ABCC8: variants seen among roughly 807,000 people sequenced by gnomAD.
The protein encoded by ABCC8 is ATP binding cassette subfamily C member 8.
ABCC8 carries 137 observed loss-of-function variants against 188.0 expected under a neutral mutation model. The ratio of observed to expected loss-of-function variants is 0.73; its 90% CI spans 0.63 to 0.84. ABCC8 has a LOEUF of 0.84. Among genes scored for constraint, ABCC8 ranks in the 40% least tolerant of loss-of-function variants. The probability of loss-of-function intolerance (pLI) is 0.00; values close to 1 mark genes in which losing one functional copy is unlikely to be tolerated. For synonymous variants in ABCC8, 797 were observed against 846.5 expected (o/e 0.94, Z 1.01); for missense variants, 1,750 against 2,072.7 (o/e 0.84, Z 3.02).
chr11:17,421,268 A>T (rs902925085), intron 16 of ABCC8, among the ~76,000 whole-genome samples: 5 of 152,254 alleles, frequency 3.3e-5, no homozygotes, highest in African/African-American at 1.2e-4. Flanking sequence ...CAGACGCATT[A>T]GCAAATAATT....
chr11:17,394,522 T>G, intron 36 of ABCC8, 123 bp from the exon 37 acceptor site: 1 of 1,526,196 alleles, frequency 6.6e-7, no homozygotes, highest in Non-Finnish European at 8.9e-7. Context: ...TGGGTGTGTG[T>G]CCAAGAGCAC....
rs777735422 is a variant in ABCC8 at position 17,443,163 on chromosome 11, C to A, written c.1467+15G>T. The A allele has an allele frequency of 1.2e-6, 2 of 1,614,042 alleles. No homozygotes were observed. The highest frequency in any genetic ancestry group is 1.7e-4 in the Middle Eastern group (1 of 6,028). ...GGGGAAGAGGGACAAAACACACACA[C>A]CTTTGGGCACTCACCAGTGTGCTCC... On this transcript the variant is annotated intron_variant, in intron 9 of 38. Coordinates refer to ENST00000389817, the MANE Select transcript of ABCC8 (RefSeq NM_000352.6).
chr11:17,459,656 C>G (rs933752145), intron 6 of ABCC8, among the ~76,000 whole-genome samples: 30 of 152,196 alleles, frequency 2.0e-4, no homozygotes, highest in African/African-American at 7.2e-4. Context: ...CACTTGGAAA[C>G]TAAAACTCTG....
At chr11:17,476,547 G>A in intron 1 of ABCC8, 82 bp downstream of exon 1, 1 of 1,521,962 alleles carries the variant, frequency 6.6e-7, no homozygotes, top group Non-Finnish European at 8.9e-7. Flanking sequence ...GGAAGGGGAC[G>A]CCGAGCGGTG....
intron 31 of ABCC8, 147 bp from the exon 32 acceptor site, chr11:17,397,460 T>TG (rs927702297): frequency 1.1e-5 from 17 of 1,502,120 alleles, no homozygotes; most frequent in Non-Finnish European, 1.4e-5. Context: ...CAGCCCTCCC[T>TG]GGAGGCACAG....
rs115955857 is a variant in ABCC8, at chr11:17,470,364, G to A, written c.291-142C>T. On this transcript the variant is annotated intron_variant, in intron 2 of 38. Transcript: ENST00000389817. Reference sequence around the variant, plus strand: ...CTGCAGGGCCCTTTAGTTAATGGGCGTATTTGGGGTATGGGCTGGGCAGAG... The same window carrying A: ...CTGCAGGGCCCTTTAGTTAATGGGCATATTTGGGGTATGGGCTGGGCAGAG... 7.9e-3 allele frequency: 11,072 copies of A among 1,398,264 alleles called. 252 individuals carry two copies. The highest frequency in any genetic ancestry group is 0.071 in the African/African-American group (4,958 of 69,938). The allele number at this position is 1,398,264 out of a possible 1,614,324, so 86.6% of individuals were successfully genotyped here.
intron 22 of ABCC8, among the ~76,000 whole-genome samples, chr11:17,409,278 A>T (rs1049142204): frequency 4.6e-5 from 7 of 151,996 alleles, no homozygotes; most frequent in African/African-American, 1.7e-4. Flanking sequence ...TTTATCTGGA[A>T]CACTTGATGA....
At position 17,408,518 on chromosome 11, in the gene ABCC8, C is replaced by G. The variant is rs1057517420; in HGVS notation, c.2695-1G>C. 2 of 1,609,614 alleles carry G rather than the reference C, an allele frequency of 1.2e-6. No individual in the cohort carries two copies. Among genetic ancestry groups the G allele is most frequent in the African/African-American group, 1.3e-5 (1 of 74,822 alleles). On this transcript the variant is annotated splice_acceptor_variant, in intron 22 of 38. Transcript: ENST00000389817. LOFTEE classifies it high-confidence loss of function. ...TGGTGCCATCCTTCATGGCAATGAT[C>G]TGGAAAGGCAGCAACAAACGTGGTT...
At chr11:17,417,026 C>A (rs901708667) in intron 16 of ABCC8, 64 bp from the exon 17 acceptor site, 3 of 1,610,446 alleles carry the variant, frequency 1.9e-6, no homozygotes, top group Non-Finnish European at 2.5e-6. Context: ...CTTTCCATCA[C>A]GCTGAGTCTT....
chr11:17,417,883 G>T (rs936510366), intron 16 of ABCC8, among the ~76,000 whole-genome samples: 2 of 151,926 alleles, frequency 1.3e-5, no homozygotes, highest in African/African-American at 4.8e-5. Context: ...CTGAGTAGAT[G>T]GGATTACAGG....
At chr11:17,434,621 G>C (rs1337325325) in intron 10 of ABCC8, among the ~76,000 whole-genome samples, 1 of 152,218 alleles carries the variant, frequency 6.6e-6, no homozygotes, top group Non-Finnish European at 1.5e-5. Flanking sequence ...TTTGCAGTCA[G>C]AAAACGTGAT....
At chr11:17,401,551 G>A (rs1463711416) in intron 29 of ABCC8, among the ~76,000 whole-genome samples, 1 of 152,242 alleles carries the variant, frequency 6.6e-6, no homozygotes, top group African/African-American at 2.4e-5. Flanking sequence ...CCCTTGGCTG[G>A]TCCTTGTGCC....
intron 26 of ABCC8, 138 bp from the exon 27 acceptor site, chr11:17,405,701 A>G: frequency 1.3e-6 from 2 of 1,518,694 alleles, no homozygotes; most frequent in South Asian, 1.2e-5. Flanking sequence ...ATTTGTAGAC[A>G]TCTGGCCTGT....
intron 1 of ABCC8, 78 bp downstream of exon 1, chr11:17,476,551 A>AGCGGT: frequency 6.5e-7 from 1 of 1,534,654 alleles, no homozygotes; most frequent in Non-Finnish European, 8.8e-7. Context: ...GGGGACGCCG[A>AGCGGT]GCGGTGCGGC....
chr11:17,417,019 T>C, intron 16 of ABCC8, 57 bp from the exon 17 acceptor site: 2 of 1,611,906 alleles, frequency 1.2e-6, no homozygotes, highest in Non-Finnish European at 1.7e-6. Flanking sequence ...CCATTGCCTT[T>C]CCATCACGCT....
intron 14 of ABCC8, 77 bp from the exon 15 acceptor site, chr11:17,428,019 C>T: frequency 6.3e-7 from 1 of 1,587,644 alleles, no homozygotes. Flanking sequence ...CTGGCTTCCC[C>T]TCCTCCATGA....
At position 17,404,676 on chromosome 11, in the gene ABCC8, G is replaced by A. The variant is rs541810250; in HGVS notation, c.3400-7C>T. Reference sequence around the variant, plus strand: ...CCAGCGTGGATGGGATGTGCTGAGGGAGACGAGGGGGAGAGAGTGAGGTGA... The same window carrying A: ...CCAGCGTGGATGGGATGTGCTGAGGAAGACGAGGGGGAGAGAGTGAGGTGA... On this transcript the variant is annotated splice_polypyrimidine_tract_variant and splice_region_variant and intron_variant, in intron 27 of 38. Coordinates refer to ENST00000389817, the MANE Select transcript of ABCC8 (RefSeq NM_000352.6). This position sits in a 1 kb window ranked among gnomAD's most constrained non-coding sequence, Gnocchi z 4.7. The A allele has an allele frequency of 6.2e-7, 1 of 1,601,648 alleles. No homozygotes were observed. Among genetic ancestry groups the A allele is most frequent in the East Asian group, 2.3e-5 (1 of 44,336 alleles).
Position 17,398,109 on chromosome 11 carries a change from T to C in ABCC8, c.3753+230A>G, listed in dbSNP as rs971829722. Reference sequence around the variant, plus strand: ...ACTGCAGATACACATTCACCACAACTGTTCTTGCCACTGGCACACACCTCA... The same window carrying C: ...ACTGCAGATACACATTCACCACAACCGTTCTTGCCACTGGCACACACCTCA... On this transcript the variant is annotated intron_variant, in intron 30 of 38. Transcript: ENST00000389817. 2.6e-5 allele frequency among the ~76,000 whole-genome samples: 4 copies of C among 152,220 alleles called. No individual in the cohort carries two copies. In the East Asian group the frequency reaches 5.8e-4, roughly 22 times the overall value.
intron 38 of ABCC8, chr11:17,393,330 T>A (rs1392081052): frequency 1.3e-6 from 1 of 746,204 alleles, no homozygotes; most frequent in African/African-American, 1.8e-5. Flanking sequence ...TTCTCTCCTC[T>A]CCAAGTCCCA....
Sources: gnomAD v4.1 joint callset for allele counts (sites outside exome capture counted in the v4.1 genomes callset) on GRCh38, gnomAD v4.1.1 for gene constraint, Gnocchi (gnomAD v3.1) non-coding constraint, MANE v1.5 for transcripts, NCBI Gene and HGNC (gene_info 2026-07-23, HGNC 2026-07-21) for gene names.